SLIT1: variants seen among roughly 807,000 people sequenced by gnomAD.
SLIT1 encodes slit homolog 1 protein.
In SLIT1, 66 loss-of-function variants were observed where a neutral mutation model predicts 186.1. The observed-to-expected ratio is 0.35, with a 90% CI of 0.29 to 0.44. The LOEUF is 0.44. Among genes scored for constraint, SLIT1 ranks in the 20% least tolerant of loss-of-function variants. The probability of loss-of-function intolerance (pLI) is 1.00; values close to 1 mark genes in which losing one functional copy is unlikely to be tolerated. For missense variants in SLIT1, 1,638 were observed against 2,037.4 expected (o/e 0.80, Z 3.77); for synonymous variants, 761 against 833.8 (o/e 0.91, Z 1.50).
At chr10:97,141,266 A>G (rs1240999167) in intron 4 of SLIT1, among the ~76,000 whole-genome samples, 1 of 152,024 alleles carries the variant, frequency 6.6e-6, no homozygotes, top group Non-Finnish European at 1.5e-5. Flanking sequence ...AACAACATCC[A>G]CTTCCACCCC....
At chr10:97,107,131 C>T (rs1335754179) in intron 4 of SLIT1, among the ~76,000 whole-genome samples, 2 of 152,218 alleles carry the variant, frequency 1.3e-5, no homozygotes, top group Non-Finnish European at 2.9e-5. Flanking sequence ...AGGTACCCAA[C>T]AGGGATACCA....
Position 97,056,386 on chromosome 10 carries a change from C to G in SLIT1, c.1236G>C (p.Leu412=). ...CGAGGCTCTGGATCTTGTTGTCATA[C>G]AGGGAGAGCAGTGAGAGGTTCTGCA... is the stretch of plus-strand genomic sequence containing the variant. The part of the protein sequence containing the change: ...QDLQNLSLLS[L]YDNKIQSLAK... The change falls in exon 13 of 37, where the codon CTG becomes CTC. Residue 412 remains leucine, a synonymous_variant. Transcript: ENST00000266058. The G allele has an allele frequency of 6.2e-7, 1 of 1,614,178 alleles. No homozygotes were observed. Among genetic ancestry groups the G allele is most frequent in the Non-Finnish European group, 8.5e-7 (1 of 1,180,020 alleles).
chr10:97,004,041 G>C lies in SLIT1; in HGVS notation c.3865+27C>G, dbSNP rs753670627. The C allele has an allele frequency of 1.2e-5, 19 of 1,584,842 alleles. No individual in the cohort carries two copies. In the African/African-American group the frequency reaches 2.2e-4, roughly 18 times the overall value. On this transcript the variant is annotated intron_variant, in intron 34 of 36. Transcript: ENST00000266058. The surrounding 1 kb of genome is among the most constrained non-coding windows in gnomAD (Gnocchi z 5.1). Reference sequence around the variant, plus strand: ...GCTGGCCTCAGGCCAGACAGCAAAAGAGGCCCCGCCAGGGCCAGGTCCTCA... The same window carrying C: ...GCTGGCCTCAGGCCAGACAGCAAAACAGGCCCCGCCAGGGCCAGGTCCTCA...
chr10:97,019,025 G>T lies in SLIT1; in HGVS notation c.2829C>A (p.Asp943Glu), dbSNP rs375574012. ...AGGCGCACCTGTACACCTCAAGGGG[G>T]TCGTTGTGGCAGGTGCCCTGGTTCT... is the stretch of plus-strand genomic sequence containing the variant. ...PCQNQGTCHN[D>E]PLEVYRCACP... Residue 943 changes from aspartate (D) to glutamate (E), a missense_variant, in exon 27 of 37, where the codon GAC (aspartate) becomes GAA (glutamate). Transcript: ENST00000266058. The T allele has an allele frequency of 3.7e-6, 6 of 1,613,774 alleles. No homozygotes were observed. The Admixed American group carries it at 8.3e-5, about 22-fold the overall frequency.
intron 1 of SLIT1, among the ~76,000 whole-genome samples, chr10:97,173,361 C>A (rs1198615327): frequency 1.3e-5 from 2 of 152,204 alleles, no homozygotes; most frequent in Non-Finnish European, 2.9e-5. Flanking sequence ...TCTTTCACAT[C>A]ACCTTACAGA....
intron 14 of SLIT1, among the ~76,000 whole-genome samples, chr10:97,048,219 C>A (rs935939063): frequency 6.6e-6 from 1 of 152,176 alleles, no homozygotes; most frequent in African/African-American, 2.4e-5. Context: ...GCAAGGAGTG[C>A]CAAAACCATC....
intron 3 of SLIT1, among the ~76,000 whole-genome samples, chr10:97,163,001 C>T (rs918547522): frequency 7.9e-5 from 12 of 152,240 alleles, no homozygotes; most frequent in African/African-American, 2.7e-4. Flanking sequence ...GCTTCCCTGA[C>T]AGGTTCCGTT....
chr10:97,017,506 G>A (rs1290902624), intron 28 of SLIT1, among the ~76,000 whole-genome samples: 2 of 152,242 alleles, frequency 1.3e-5, no homozygotes, highest in African/African-American at 4.8e-5. Context: ...GGGCGCTTGC[G>A]TTGTGATGTC....
rs150137343 is a variant in SLIT1 at position 97,140,164 on chromosome 10, C to T, written c.413+17654G>A. 3.5e-3 allele frequency among the ~76,000 whole-genome samples: 540 copies of T among 152,188 alleles called. 1 individual carries two copies. Among genetic ancestry groups the T allele is most frequent in the Non-Finnish European group, 6.1e-3 (413 of 67,994 alleles). ...AGGGTGAAAGAGTGGCCCCTGTCTC[C>T]CTGCCAAGGCGGGTGTCTCGCCACC... On this transcript the variant is annotated intron_variant, in intron 4 of 36. Coordinates refer to ENST00000266058, the MANE Select transcript of SLIT1 (RefSeq NM_003061.3).
intron 5 of SLIT1, chr10:97,065,463 G>A (rs1848936412): frequency 6.4e-6 from 1 of 155,112 alleles, no homozygotes. Context: ...TGGTAAGCCT[G>A]GACCAGAATA....
intron 4 of SLIT1, among the ~76,000 whole-genome samples, chr10:97,107,670 C>T (rs188756977): frequency 2.0e-5 from 3 of 152,296 alleles, no homozygotes; most frequent in East Asian, 1.9e-4. Context: ...CCCAAAGGTC[C>T]GGCTGGGAAA....
In SLIT1 at chr10:97,018,998, G is replaced by A; in HGVS notation, c.2856C>T (p.Cys952=). Residue 952 remains cysteine (C), a synonymous_variant, in exon 27 of 37, where the codon TGC becomes TGT. Transcript: ENST00000266058. ...CTCCACTCACCTTATAGCCGCTGGGGCAGGCGCACCTGTACACCTCAAGGG... is the reference window on the plus strand; with the variant it reads ...CTCCACTCACCTTATAGCCGCTGGGACAGGCGCACCTGTACACCTCAAGGG... ...NDPLEVYRCA[C]PSGYKGRDCE... The A allele has an allele frequency of 6.2e-7, 1 of 1,610,002 alleles. No individual in the cohort carries two copies. The highest frequency in any genetic ancestry group is 8.5e-7 in the Non-Finnish European group (1 of 1,176,326).
intron 4 of SLIT1, chr10:97,103,877 G>A (rs1224282459): frequency 6.6e-6 from 1 of 152,130 alleles, no homozygotes; most frequent in Non-Finnish European, 1.5e-5. Flanking sequence ...CCTTCAACTT[G>A]GTTTCCTTGT....
At chr10:97,163,534 G>T in intron 2 of SLIT1, 83 bp from the exon 3 acceptor site, 1 of 1,153,092 alleles carries the variant, frequency 8.7e-7, no homozygotes, top group Non-Finnish European at 1.3e-6. Flanking sequence ...CGGGGCAGAG[G>T]CAACCTCTGC....
chr10:97,001,564 G>A (rs1471094473), intron 36 of SLIT1, among the ~76,000 whole-genome samples: 2 of 152,114 alleles, frequency 1.3e-5, no homozygotes, highest in Non-Finnish European at 2.9e-5. Flanking sequence ...TAGCGTCAGG[G>A]CCCTCCAGGA....
At chr10:97,081,528 C>T (rs1214339983) in intron 4 of SLIT1, among the ~76,000 whole-genome samples, 3 of 152,176 alleles carry the variant, frequency 2.0e-5, no homozygotes, top group African/African-American at 4.8e-5. Flanking sequence ...GGCTGTCACA[C>T]CCTGTCAGTC....
chr10:97,154,892 A>G (rs1849928803), intron 4 of SLIT1: 1 of 152,198 alleles, frequency 6.6e-6, no homozygotes, highest in South Asian at 2.1e-4. Context: ...CTCCTGTAAA[A>G]TATGAAACCA....
At position 97,164,531 on chromosome 10, in the gene SLIT1, C is replaced by T. The variant is rs543672087; in HGVS notation, c.269+288G>A. Among the ~76,000 whole-genome samples, 4 of 152,266 alleles carry T rather than the reference C, an allele frequency of 2.6e-5. No individual in the cohort carries two copies. The South Asian group carries it at 8.3e-4, about 32-fold the overall frequency. The stretch of plus-strand genomic sequence containing the variant: ...CTCAGAGACGATTGGTCACGAGGTC[C>T]CTGCTCCTCCAAAGACCCTCAGAAC... On this transcript the variant is annotated intron_variant, in intron 2 of 36. Coordinates refer to ENST00000266058, the MANE Select transcript of SLIT1 (RefSeq NM_003061.3).
intron 1 of SLIT1, among the ~76,000 whole-genome samples, chr10:97,179,787 A>G (rs1259734822): frequency 7.1e-6 from 1 of 140,394 alleles, no homozygotes; most frequent in Non-Finnish European, 1.5e-5. Context: ...AGAGGAGCCA[A>G]TTCTCCACAC....
Sources: gnomAD v4.1 joint callset for allele counts (sites outside exome capture counted in the v4.1 genomes callset) on GRCh38, gnomAD v4.1.1 for gene constraint, Gnocchi (gnomAD v3.1) non-coding constraint, MANE v1.5 for transcripts, NCBI Gene and HGNC (gene_info 2026-07-23, HGNC 2026-07-21) for gene names.